ZNF385D: variants seen among roughly 807,000 people sequenced by gnomAD.
The protein encoded by ZNF385D is zinc finger protein 385D.
ZNF385D carries 15 observed loss-of-function variants against 35.8 expected under a neutral mutation model. The observed-to-expected ratio is 0.42, with a 90% CI of 0.28 to 0.64. The LOEUF (loss-of-function observed/expected upper bound fraction) is 0.64. ZNF385D is among the 30% of genes least tolerant of loss of function. The pLI is 0.23. For synonymous variants in ZNF385D, 212 were observed against 186.8 expected (o/e 1.13, Z -1.10); for missense variants, 474 against 494.6 (o/e 0.96, Z 0.39).
intron 3 of ZNF385D, among the ~76,000 whole-genome samples, chr3:22,058,567 G>A (rs1699531525): frequency 6.6e-6 from 1 of 152,162 alleles, no homozygotes; most frequent in Non-Finnish European, 1.5e-5. Context: ...GGTAGAGTCA[G>A]GAAAATGAGG....
chr3:22,366,744 CAT>C (rs1013599663), intron 2 of ZNF385D, among the ~76,000 whole-genome samples: 2 of 152,136 alleles, frequency 1.3e-5, no homozygotes, highest in Admixed American at 6.5e-5. Flanking sequence ...AAGGGTTTTT[CAT>C]ATGTTATTAC....
intron 1 of ZNF385D, among the ~76,000 whole-genome samples, chr3:21,724,719 C>T (rs2068688812): frequency 6.6e-6 from 1 of 151,922 alleles, no homozygotes; most frequent in African/African-American, 2.4e-5. Flanking sequence ...CTTAAACTCC[C>T]ACACAATATT....
intron 3 of ZNF385D, among the ~76,000 whole-genome samples, chr3:22,087,237 T>C (rs1701093767): frequency 6.6e-6 from 1 of 152,048 alleles, no homozygotes; most frequent in Non-Finnish European, 1.5e-5. Context: ...TCTTTTTTTT[T>C]CACTGTGGCC....
At chr3:21,923,559 C>T (rs567710323) in intron 3 of ZNF385D, among the ~76,000 whole-genome samples, 158 of 152,238 alleles carry the variant, frequency 1.0e-3, no homozygotes, top group African/African-American at 3.7e-3. Flanking sequence ...CATGCACTTG[C>T]ATGTTCCTCA....
intron 3 of ZNF385D, among the ~76,000 whole-genome samples, chr3:22,047,460 A>G (rs866956851): frequency 6.6e-6 from 1 of 151,980 alleles, no homozygotes; most frequent in African/African-American, 2.4e-5. Flanking sequence ...TGTGAGTTAA[A>G]TTTTTTGAGA....
At position 21,412,316 on chromosome 3, in the gene ZNF385D, T is replaced by C. The variant is rs1268183211; in HGVS notation, c.*8898A>G. Reference sequence around the variant, plus strand: ...TTCTGTGAGTCACTACAATTCTCACTTGGCACTTGGAACAGTCGTGTTATA... The same window carrying C: ...TTCTGTGAGTCACTACAATTCTCACCTGGCACTTGGAACAGTCGTGTTATA... On this transcript the variant is annotated 3_prime_UTR_variant, in exon 8 of 8. Transcript: ENST00000281523. 1 of 152,038 alleles carries C rather than the reference T, an allele frequency of 6.6e-6. No homozygotes were observed. Among genetic ancestry groups the C allele is most frequent in the African/African-American group, 2.4e-5 (1 of 41,420 alleles). The allele number at this position is 152,038 out of a possible 1,614,324, so 9.4% of individuals were successfully genotyped here.
intron 4 of ZNF385D, among the ~76,000 whole-genome samples, chr3:21,449,627 C>T (rs453597): frequency 0.63 from 96,322 of 151,988 alleles, 30,801 homozygotes; most frequent in African/African-American, 0.71. Context: ...CTTCATAGGT[C>T]ATGTTTTAAA....
At chr3:21,723,580 AAAG>A (rs1339184673) in intron 1 of ZNF385D, among the ~76,000 whole-genome samples, 2 of 151,918 alleles carry the variant, frequency 1.3e-5, no homozygotes, top group Non-Finnish European at 2.9e-5. Context: ...TTAATGAAAT[AAAG>A]AAGACAAGAT....
At position 21,474,972 on chromosome 3, in the gene ZNF385D, A is replaced by T. The variant is rs914758183; in HGVS notation, c.439+35889T>A. 4.0e-5 allele frequency among the ~76,000 whole-genome samples: 6 copies of T among 151,822 alleles called. No homozygotes were observed. In the East Asian group the frequency reaches 9.6e-4, roughly 24 times the overall value. On this transcript the variant is annotated intron_variant, in intron 4 of 7. Transcript: ENST00000281523. ...CAGAAAATACAAAATTAAGAATATA[A>T]TTTTTTTTGTTTTAATTTGCAGTTA...
intron 2 of ZNF385D, among the ~76,000 whole-genome samples, chr3:22,311,658 T>G (rs1000600128): frequency 2.6e-5 from 4 of 152,144 alleles, no homozygotes; most frequent in Admixed American, 2.6e-4. Flanking sequence ...GTAATATTAA[T>G]TCTGATTAAA....
intron 1 of ZNF385D, among the ~76,000 whole-genome samples, chr3:21,719,066 G>T (rs1218275454): frequency 7.9e-5 from 12 of 152,064 alleles, no homozygotes; most frequent in Admixed American, 7.2e-4. Context: ...TTGCATTTGG[G>T]CCCATGGCTT....
At chr3:22,115,458 T>A (rs1450738418) in intron 3 of ZNF385D, among the ~76,000 whole-genome samples, 1 of 152,128 alleles carries the variant, frequency 6.6e-6, no homozygotes, top group Non-Finnish European at 1.5e-5. Context: ...TTATTTTATG[T>A]CATACAGTTG....
chr3:22,319,067 C>T (rs966293666), intron 2 of ZNF385D, among the ~76,000 whole-genome samples: 4 of 152,008 alleles, frequency 2.6e-5, no homozygotes, highest in African/African-American at 4.8e-5. Context: ...TAAAATATAT[C>T]AAAAATTAGC....
intron 3 of ZNF385D, among the ~76,000 whole-genome samples, chr3:22,056,767 G>A (rs1323296223): frequency 6.6e-6 from 1 of 152,210 alleles, no homozygotes; most frequent in Non-Finnish European, 1.5e-5. Context: ...AGGTCTGAGG[G>A]TAGATTGGAA....
At chr3:22,257,045 AT>A (rs1700354244) in intron 2 of ZNF385D, among the ~76,000 whole-genome samples, 1 of 151,928 alleles carries the variant, frequency 6.6e-6, no homozygotes, top group South Asian at 2.1e-4. Flanking sequence ...CCTGGAGAAG[AT>A]AAAAAGAAGA....
At chr3:21,801,506 T>C (rs1455662168) in intron 3 of ZNF385D, among the ~76,000 whole-genome samples, 1 of 152,158 alleles carries the variant, frequency 6.6e-6, no homozygotes, top group Non-Finnish European at 1.5e-5. Context: ...TATCTTTTTA[T>C]CTATCTATTT....
chr3:21,440,071 T>G (rs1472777538), intron 4 of ZNF385D, among the ~76,000 whole-genome samples: 1 of 152,130 alleles, frequency 6.6e-6, no homozygotes, highest in African/African-American at 2.4e-5. Flanking sequence ...TTCACTTACC[T>G]TTTAACAGTG....
At chr3:22,346,043 A>G (rs1222937620) in intron 2 of ZNF385D, among the ~76,000 whole-genome samples, 1 of 152,048 alleles carries the variant, frequency 6.6e-6, no homozygotes, top group African/African-American at 2.4e-5. Context: ...TCATCTCCTC[A>G]TGGGGTGTGC....
At chr3:22,015,453 C>G (rs1054686403) in intron 3 of ZNF385D, among the ~76,000 whole-genome samples, 3 of 152,084 alleles carry the variant, frequency 2.0e-5, no homozygotes, top group Non-Finnish European at 4.4e-5. Context: ...TTCCTTGCCA[C>G]CATCCTTGGG....
Sources: gnomAD v4.1 joint callset for allele counts (sites outside exome capture counted in the v4.1 genomes callset) on GRCh38, gnomAD v4.1.1 for gene constraint, MANE v1.5 for transcripts, NCBI Gene and HGNC (gene_info 2026-07-23, HGNC 2026-07-21) for gene names.